SIGIRR: variants seen among roughly 807,000 people sequenced by gnomAD.
The protein encoded by SIGIRR is single Ig and TIR domain containing, also known as single Ig IL-1-related receptor.
A neutral mutation model predicts 45.6 loss-of-function variants in SIGIRR; 41 were observed. The observed-to-expected ratio is 0.90, with a 90% CI of 0.70 to 1.17. SIGIRR has a LOEUF of 1.17. Ranked by LOEUF, SIGIRR falls within the 50% of genes most tolerant of loss-of-function variation. SIGIRR has a pLI of 0.00. For synonymous variants in SIGIRR, 298 were observed against 239.0 expected, an observed-to-expected ratio of 1.25 and a Z score of -2.28; for missense variants, 599 against 539.6, an observed-to-expected ratio of 1.11 and a Z score of -1.09.
chr11:408,096 G>C lies in SIGIRR; in HGVS notation c.317C>G (p.Ser106Cys), dbSNP rs1192043297. 1.2e-6 allele frequency: 2 copies of C among 1,612,806 alleles called. No individual in the cohort carries two copies. The highest frequency in any genetic ancestry group is 1.7e-6 in the Non-Finnish European group (2 of 1,179,962). ...ACCAGCTCTCTGAAGAGTGAAGGAGGAGAAGCTGATGTTCTGGATGGAGCA... is the reference window on the plus strand; with the variant it reads ...ACCAGCTCTCTGAAGAGTGAAGGAGCAGAAGCTGATGTTCTGGATGGAGCA... ...FTCSIQNISF[S>C]SFTLQRAGPT... The change falls in exon 4 of 10, where the codon TCC (serine) becomes TGC (cysteine). Residue 106 changes from serine (S) to cysteine (C), a missense_variant. Ser to Cys is a moderately radical substitution (Grantham distance 112). Coordinates refer to ENST00000431843, the MANE Select transcript of SIGIRR (RefSeq NM_001135054.2).
At chr11:409,296 T>A (rs1348376823) in intron 2 of SIGIRR, 2 of 366,930 alleles carry the variant, frequency 5.5e-6, no homozygotes, top group African/African-American at 4.2e-5. Context: ...CTGGCCTGCC[T>A]CTGCTGGGGA....
intron 2 of SIGIRR, 70 bp from the exon 3 acceptor site, chr11:408,963 T>C: frequency 1.4e-6 from 2 of 1,432,620 alleles, no homozygotes; most frequent in South Asian, 2.3e-5. Flanking sequence ...CAGTGGTCCG[T>C]GGTGCAGGAA....
chr11:410,026 G>T lies in SIGIRR; in HGVS notation c.-152C>A, dbSNP rs1847514174. 8.1e-7 allele frequency: 1 copy of T among 1,239,340 alleles called. No individual in the cohort carries two copies. The highest frequency in any genetic ancestry group is 4.1e-5 in the Admixed American group (1 of 24,520). 76.8% of individuals were successfully genotyped at this position (1,239,340 alleles called of 1,614,324 possible). On this transcript the variant is annotated splice_region_variant and 5_prime_UTR_variant, in exon 2 of 10. Coordinates refer to ENST00000431843, the MANE Select transcript of SIGIRR (RefSeq NM_001135054.2). ...GGACAGGGCACCTGGACAGGTCAGA[G>T]GCTGCCGCCATCCCCAGGGAACAAG...
Position 407,407 on chromosome 11 carries a change from G to A in SIGIRR, c.625+18C>T, listed in dbSNP as rs1175830846. The A allele has an allele frequency of 5.2e-6, 8 of 1,530,224 alleles. No homozygotes were observed. The African/African-American group carries it at 1.1e-4, about 21-fold the overall frequency. 94.8% of individuals were successfully genotyped at this position (1,530,224 alleles called of 1,614,324 possible). Reference sequence around the variant, plus strand: ...GGGCCCTCCGGGTGGGCGGGGCACGGGGTGGGGCCCGGGATACCAGCGCGC... The same window carrying A: ...GGGCCCTCCGGGTGGGCGGGGCACGAGGTGGGGCCCGGGATACCAGCGCGC... On this transcript the variant is annotated intron_variant, in intron 6 of 9. Transcript: ENST00000431843.
intron 5 of SIGIRR, 63 bp from the exon 6 acceptor site, chr11:407,631 C>T: frequency 6.3e-7 from 1 of 1,581,446 alleles, no homozygotes. Flanking sequence ...TCGGGGTCCC[C>T]AACACCCCTA....
chr11:416,894 C>T (rs1847900964), upstream of SIGIRR, among the ~76,000 whole-genome samples: 1 of 152,138 alleles, frequency 6.6e-6, no homozygotes, highest in Admixed American at 6.5e-5. The surrounding 1 kb of genome is among the most constrained non-coding windows in gnomAD (Gnocchi z 9.1). Context: ...ATGGCGGAAG[C>T]TCCACCCGGC....
rs769171984 is a variant in SIGIRR, at chr11:407,178, G to A, written c.626-14C>T. ...CGGCGGAGGGCTCTGCGGGAGGGCG[G>A]GCGTCGGCGGCGCAGGGGCGGGGGC... On this transcript the variant is annotated splice_polypyrimidine_tract_variant and intron_variant, in intron 6 of 9. Coordinates refer to ENST00000431843, the MANE Select transcript of SIGIRR (RefSeq NM_001135054.2). The A allele has an allele frequency of 1.0e-5, 14 of 1,381,866 alleles. No homozygotes were observed. Among genetic ancestry groups the A allele is most frequent in the Non-Finnish European group, 1.2e-5 (13 of 1,057,230 alleles). 85.6% of individuals were successfully genotyped at this position (1,381,866 alleles called of 1,614,324 possible).
At position 413,270 on chromosome 11, in the gene SIGIRR, G is replaced by A. The variant is rs1421099118; in HGVS notation, c.-154+1553C>T. ...CCAGAGGCCCCAGGTTTGACTGTTT[G>A]GCAGTTTCCTCGGGAACCGATACAG... On this transcript the variant is annotated intron_variant, in intron 1 of 9. Coordinates refer to ENST00000431843, the MANE Select transcript of SIGIRR (RefSeq NM_001135054.2). Among the ~76,000 whole-genome samples, 3 of 152,218 alleles carry A rather than the reference G, an allele frequency of 2.0e-5. No homozygotes were observed. In the East Asian group the frequency reaches 5.8e-4, roughly 29 times the overall value.
At position 405,742 on chromosome 11, in the gene SIGIRR, G is replaced by A; in HGVS notation, c.*154C>T. 1.2e-6 allele frequency: 1 copy of A among 844,482 alleles called. No individual in the cohort carries two copies. Among genetic ancestry groups the A allele is most frequent in the South Asian group, 2.0e-5 (1 of 49,070 alleles). 52.3% of individuals were successfully genotyped at this position (844,482 alleles called of 1,614,324 possible). A position where few individuals can be genotyped will look rare whatever the true frequency, so the allele number is the denominator to read the frequency against. ...AGAATCCAAAAGGACTTTATTTTCT[G>A]GCACTGGGAGGCGCCCTGAGGCCAC... On this transcript the variant is annotated 3_prime_UTR_variant, in exon 10 of 10. Coordinates refer to ENST00000431843, the MANE Select transcript of SIGIRR (RefSeq NM_001135054.2).
chr11:412,478 A>C (rs1847694541), intron 1 of SIGIRR, among the ~76,000 whole-genome samples: 1 of 39,448 alleles, frequency 2.5e-5, no homozygotes. Flanking sequence ...CCATGTCTGG[A>C]TGCAGTCGGG....
upstream of SIGIRR, among the ~76,000 whole-genome samples, chr11:415,345 G>C (rs1847853907): frequency 6.6e-6 from 1 of 151,854 alleles, no homozygotes. This position sits in a 1 kb window ranked among gnomAD's most constrained non-coding sequence, Gnocchi z 6.6. Context: ...GGTGCTCAAA[G>C]GGGCAGGTTC....
Position 408,211 on chromosome 11 carries a change from G to T in SIGIRR, c.207-5C>A, listed in dbSNP as rs761316352. ...TCTGACAGGTTGGCCTTGACCCTGG[G>T]GATACCAAGCCAGGGTCAGGGTCGA... On this transcript the variant is annotated splice_region_variant and splice_polypyrimidine_tract_variant and intron_variant, in intron 3 of 9. Coordinates refer to ENST00000431843, the MANE Select transcript of SIGIRR (RefSeq NM_001135054.2). 51 of 1,612,252 alleles carry T rather than the reference G, an allele frequency of 3.2e-5. 1 individual carries two copies. The South Asian group carries it at 5.5e-4, about 17-fold the overall frequency.
chr11:409,869 T>C lies in SIGIRR; in HGVS notation c.6A>G (p.Pro2=). M[P]GVCDRAPDFL... is the part of the protein sequence containing the mutation. The stretch of plus-strand genomic sequence containing the variant: ...CCCATCCCTCTCTGACCTGCCTACC[T>C]GGCATGGCTCTGAGCCGGGGCCTCC... Residue 2 remains proline (P), a splice_region_variant and synonymous_variant, in exon 2 of 10, where the codon CCA becomes CCG. Transcript: ENST00000431843. 7.5e-7 allele frequency: 1 copy of C among 1,332,686 alleles called. No homozygotes were observed. The highest frequency in any genetic ancestry group is 2.3e-5 in the South Asian group (1 of 42,982). 82.6% of individuals were successfully genotyped at this position (1,332,686 alleles called of 1,614,324 possible).
intron 1 of SIGIRR, among the ~76,000 whole-genome samples, chr11:411,197 G>C (rs113252104): frequency 1.0e-4 from 2 of 19,178 alleles, no homozygotes; most frequent in African/African-American, 4.4e-4. Context: ...TCGGGGGGGG[G>C]GGTGCCCAGC....
intron 1 of SIGIRR, among the ~76,000 whole-genome samples, chr11:412,739 C>T (rs1027436635): frequency 4.0e-5 from 6 of 151,768 alleles, no homozygotes; most frequent in Admixed American, 6.6e-5. Context: ...GGGGGGTGCC[C>T]AGCTCTGGCC....
At chr11:409,037 G>T in intron 2 of SIGIRR, 144 bp from the exon 3 acceptor site, 2 of 733,130 alleles carry the variant, frequency 2.7e-6, no homozygotes, top group African/African-American at 1.7e-5. Flanking sequence ...CATGGGGACA[G>T]GCTTAGCACT....
intron 8 of SIGIRR, 24 bp downstream of exon 8, chr11:406,819 G>A: frequency 6.6e-7 from 1 of 1,506,672 alleles, no homozygotes; most frequent in Non-Finnish European, 8.8e-7. Context: ...GCTAGCCCCG[G>A]ACCCTCCCGC....
At chr11:409,538 C>CGAG in intron 2 of SIGIRR, 1 of 394,098 alleles carries the variant, frequency 2.5e-6, no homozygotes, top group South Asian at 7.9e-5. Context: ...GTCAAACCAC[C>CGAG]ATCTTCTCAG....
At chr11:410,108 C>T in intron 1 of SIGIRR, 81 bp from the exon 2 acceptor site, 16 of 1,190,598 alleles carry the variant, frequency 1.3e-5, no homozygotes, top group Non-Finnish European at 1.6e-5. Flanking sequence ...AGCACTGGCC[C>T]TGACCAGATG....
Sources: gnomAD v4.1 joint callset for allele counts (sites outside exome capture counted in the v4.1 genomes callset) on GRCh38, gnomAD v4.1.1 for gene constraint, Gnocchi (gnomAD v3.1) non-coding constraint, MANE v1.5 for transcripts, NCBI Gene and HGNC (gene_info 2026-07-23, HGNC 2026-07-21) for gene names.